Variants in IL1RAPL2 observed in about 807,000 individuals in gnomAD.
IL1RAPL2 encodes the protein X-linked interleukin-1 receptor accessory protein-like 2.
Under a neutral mutation model 44.1 loss-of-function variants are expected in IL1RAPL2, and 3 were observed. That is an observed-to-expected ratio of 0.07 (90% CI 0.03 to 0.18). The LOEUF is 0.18. Ranked by LOEUF, IL1RAPL2 falls within the 10% of genes least tolerant of loss-of-function variation. The probability of loss-of-function intolerance (pLI) is 1.00; values close to 1 mark genes in which losing one functional copy is unlikely to be tolerated. For synonymous variants in IL1RAPL2, 181 were observed against 178.8 expected (o/e 1.01, Z -0.10); for missense variants, 391 against 496.4 (o/e 0.79, Z 2.02).
At chrX:105,130,370 A>T (rs2033015423) in intron 2 of IL1RAPL2, among the ~76,000 whole-genome samples, 1 of 111,461 alleles carries the variant, frequency 9.0e-6, no homozygotes, top group East Asian at 2.8e-4. Flanking sequence ...CTGATGTATT[A>T]CCGCCGACCA....
chrX:105,465,982 A>G (rs1360310366), intron 5 of IL1RAPL2, among the ~76,000 whole-genome samples: 1 of 111,536 alleles, frequency 9.0e-6, no homozygotes, highest in African/African-American at 3.3e-5. Flanking sequence ...TATCCCTGAC[A>G]TTATTGTTGC....
chrX:104,827,838 TC>T (rs1921497390), intron 2 of IL1RAPL2, among the ~76,000 whole-genome samples: 1 of 111,872 alleles, frequency 8.9e-6, no homozygotes, highest in South Asian at 3.7e-4. Flanking sequence ...TCATTATTTT[TC>T]CTCTAATCTT....
chrX:105,045,589 T>A (rs770605557), intron 2 of IL1RAPL2, among the ~76,000 whole-genome samples: 1 of 111,674 alleles, frequency 9.0e-6, no homozygotes, highest in East Asian at 2.9e-4. Flanking sequence ...ACTCTGTTAC[T>A]CAGGTTGGAG....
chrX:105,090,147 C>G (rs1176843020), intron 2 of IL1RAPL2, among the ~76,000 whole-genome samples: 1 of 111,127 alleles, frequency 9.0e-6, no homozygotes, highest in African/African-American at 3.3e-5. Context: ...TTCTTATTCT[C>G]CTTGACAAGA....
intron 2 of IL1RAPL2, among the ~76,000 whole-genome samples, chrX:105,161,217 CAAAT>C (rs905210942): frequency 5.0e-4 from 32 of 63,605 alleles, no homozygotes; most frequent in African/African-American, 1.7e-3. Context: ...GACCCTGTCT[CAAAT>C]AATAATAATA....
At chrX:104,625,766 G>A (rs980753435) in intron 1 of IL1RAPL2, among the ~76,000 whole-genome samples, 8 of 111,555 alleles carry the variant, frequency 7.2e-5, no homozygotes, top group African/African-American at 2.6e-4. Context: ...AACCAGAGAA[G>A]GCTAGATTGC....
chrX:105,477,182 G>A (rs1250039531), intron 5 of IL1RAPL2, among the ~76,000 whole-genome samples: 1 of 111,733 alleles, frequency 8.9e-6, no homozygotes, highest in African/African-American at 3.2e-5. Flanking sequence ...TAGGGCAAAG[G>A]AGATATATTG....
Position 104,907,266 on chromosome X carries a change from T to C in IL1RAPL2, c.82+248271T>C, listed in dbSNP as rs1203735841. Among the ~76,000 whole-genome samples the C allele has an allele frequency of 5.4e-5, 6 of 111,992 alleles. No homozygotes were observed. The South Asian group carries it at 1.9e-3, about 35-fold the overall frequency. ...TTCAAAAAACCAGCTCCTGGATTCA[T>C]TAATTTTTTGAAGGGTTTTTTGTGT... On this transcript the variant is annotated intron_variant, in intron 2 of 10. Coordinates refer to ENST00000372582, the MANE Select transcript of IL1RAPL2 (RefSeq NM_017416.2).
intron 2 of IL1RAPL2, among the ~76,000 whole-genome samples, chrX:104,661,562 G>T (rs939986885): frequency 9.0e-6 from 1 of 110,867 alleles, no homozygotes; most frequent in African/African-American, 3.3e-5. Flanking sequence ...CTACCTTTCT[G>T]TTTAGCCACC....
intron 3 of IL1RAPL2, among the ~76,000 whole-genome samples, chrX:105,197,263 T>G (rs1556142058): frequency 9.0e-6 from 1 of 110,949 alleles, no homozygotes; most frequent in African/African-American, 3.3e-5. Flanking sequence ...TCAGCTTTAG[T>G]GACTGACACT....
chrX:104,908,447 G>T (rs1414088820), intron 2 of IL1RAPL2, among the ~76,000 whole-genome samples: 7 of 111,547 alleles, frequency 6.3e-5, no homozygotes, highest in East Asian at 2.8e-4. Flanking sequence ...GGTACCGGTT[G>T]TTCCTTTCCA....
intron 8 of IL1RAPL2, among the ~76,000 whole-genome samples, chrX:105,748,630 C>A (rs2038569902): frequency 9.0e-6 from 1 of 111,393 alleles, no homozygotes; most frequent in South Asian, 3.7e-4. Context: ...GGCCTTGGAC[C>A]CAGAATAAAG....
At chrX:105,238,010 A>G (rs1474338708) in intron 4 of IL1RAPL2, among the ~76,000 whole-genome samples, 10 of 112,625 alleles carry the variant, frequency 8.9e-5, no homozygotes, top group Non-Finnish European at 9.4e-5. Flanking sequence ...TGATTCACAA[A>G]TCAGGCAGTC....
intron 2 of IL1RAPL2, among the ~76,000 whole-genome samples, chrX:104,963,523 C>T (rs2030048162): frequency 9.0e-6 from 1 of 111,731 alleles, no homozygotes; most frequent in South Asian, 3.8e-4. Flanking sequence ...TCACCTGTCA[C>T]CACAAATTAG....
intron 5 of IL1RAPL2, among the ~76,000 whole-genome samples, chrX:105,345,671 A>T (rs1488187602): frequency 1.8e-5 from 2 of 111,451 alleles, no homozygotes; most frequent in Non-Finnish European, 3.8e-5. Context: ...TTTTTAGGCC[A>T]TCCACCAAAC....
rs782816871 is a variant in IL1RAPL2 at position 105,232,390 on chromosome X, G to C, written c.357-1428G>C. 3.6e-5 allele frequency among the ~76,000 whole-genome samples: 4 copies of C among 112,094 alleles called. No individual in the cohort carries two copies. The East Asian group carries it at 1.1e-3, about 32-fold the overall frequency. On this transcript the variant is annotated intron_variant, in intron 3 of 10. Transcript: ENST00000372582. ...GTTGGCATGCTAATCCCATCTGTTA[G>C]GATTGTTATTACTCAGTTATAAAGC...
chrX:104,976,920 A>C (rs183735327), intron 2 of IL1RAPL2, among the ~76,000 whole-genome samples: 1 of 109,888 alleles, frequency 9.1e-6, no homozygotes, highest in East Asian at 2.9e-4. Flanking sequence ...AAAAGACTGC[A>C]AACAAAACAT....
chrX:105,582,261 T>A (rs994979825), intron 6 of IL1RAPL2, among the ~76,000 whole-genome samples: 2 of 111,622 alleles, frequency 1.8e-5, no homozygotes, highest in Non-Finnish European at 3.8e-5. Context: ...ATATTTTATG[T>A]CTTCCAATTT....
At chrX:105,701,178 G>A (rs1420129134) in intron 6 of IL1RAPL2, among the ~76,000 whole-genome samples, 2 of 111,839 alleles carry the variant, frequency 1.8e-5, no homozygotes, top group Non-Finnish European at 3.8e-5. Flanking sequence ...AGAAAGGAAT[G>A]ATAGATGGAA....
Sources: allele counts gnomAD v4.1 joint callset (sites outside exome capture counted in the v4.1 genomes callset), GRCh38; gene constraint gnomAD v4.1.1; transcripts MANE v1.5; gene names NCBI Gene and HGNC (gene_info 2026-07-23, HGNC 2026-07-21).